Variants in SLIT3 observed in about 807,000 individuals in gnomAD.
The protein encoded by SLIT3 is slit homolog 3 protein.
SLIT3 carries 68 observed loss-of-function variants against 184.0 expected under a neutral mutation model. The ratio of observed to expected loss-of-function variants is 0.37; its 90% confidence interval spans 0.30 to 0.45. The LOEUF is 0.45. Among genes scored for constraint, SLIT3 ranks in the 20% least tolerant of loss-of-function variants. The pLI, the probability that SLIT3 is intolerant of heterozygous loss-of-function variation, is 1.00. For missense variants in SLIT3, 1,707 were observed against 2,026.0 expected, an observed-to-expected ratio of 0.84 and a Z score of 3.02; for synonymous variants, 831 against 828.6, an observed-to-expected ratio of 1.00 and a Z score of -0.05.
At chr5:169,231,212 A>C (rs1003582728) in intron 3 of SLIT3, among the ~76,000 whole-genome samples, 1 of 152,164 alleles carries the variant, frequency 6.6e-6, no homozygotes, top group Non-Finnish European at 1.5e-5. Context: ...TTTTAAAATA[A>C]ATTTTTTGAA....
chr5:169,106,815 G>C (rs1024432635), intron 4 of SLIT3, among the ~76,000 whole-genome samples: 9 of 152,168 alleles, frequency 5.9e-5, no homozygotes, highest in African/African-American at 2.2e-4. Flanking sequence ...TCCTTATGTT[G>C]AACTTCAAAA....
intron 4 of SLIT3, among the ~76,000 whole-genome samples, chr5:169,151,446 A>C (rs1439946850): frequency 6.6e-6 from 1 of 152,190 alleles, no homozygotes; most frequent in Non-Finnish European, 1.5e-5. Context: ...CACTCACTTT[A>C]AAAGCCAGCC....
At chr5:168,909,955 A>G (rs1347525359) in intron 4 of SLIT3, among the ~76,000 whole-genome samples, 1 of 152,192 alleles carries the variant, frequency 6.6e-6, no homozygotes, top group Non-Finnish European at 1.5e-5. Flanking sequence ...TTTTTGCACA[A>G]CCTGCTTTAA....
At chr5:169,025,453 T>C (rs952269178) in intron 4 of SLIT3, among the ~76,000 whole-genome samples, 2 of 152,184 alleles carry the variant, frequency 1.3e-5, no homozygotes, top group Non-Finnish European at 2.9e-5. Flanking sequence ...CAAAACCATT[T>C]TTCCCAGAAC....
chr5:169,098,043 A>G (rs1235988197), intron 4 of SLIT3, among the ~76,000 whole-genome samples: 1 of 152,168 alleles, frequency 6.6e-6, no homozygotes, highest in Non-Finnish European at 1.5e-5. Context: ...CCTGTCAGAA[A>G]GGATGCCCAG....
At chr5:168,841,891 T>G (rs1325527964) in intron 6 of SLIT3, among the ~76,000 whole-genome samples, 6 of 152,218 alleles carry the variant, frequency 3.9e-5, no homozygotes, top group African/African-American at 9.7e-5. Flanking sequence ...ACATTTTGTC[T>G]TCTTAATTTG....
intron 4 of SLIT3, among the ~76,000 whole-genome samples, chr5:168,986,332 C>T (rs776885120): frequency 2.6e-5 from 4 of 152,110 alleles, no homozygotes; most frequent in Admixed American, 6.5e-5. Context: ...AGGAGCCATG[C>T]ACCGCACTTC....
intron 4 of SLIT3, among the ~76,000 whole-genome samples, chr5:169,177,432 G>A (rs1232517453): frequency 6.6e-6 from 1 of 152,150 alleles, no homozygotes; most frequent in East Asian, 1.9e-4. Flanking sequence ...ATGCTGAGCG[G>A]GGAAATCAGC....
At chr5:168,787,997 T>TCACTTAAAC (rs1313386175) in intron 11 of SLIT3, among the ~76,000 whole-genome samples, 1 of 152,112 alleles carries the variant, frequency 6.6e-6, no homozygotes, top group African/African-American at 2.4e-5. Context: ...GAGAGGTGCT[T>TCACTTAAAC]CACTTAAACA....
chr5:169,135,576 T>C (rs1415678034), intron 4 of SLIT3, among the ~76,000 whole-genome samples: 1 of 152,222 alleles, frequency 6.6e-6, no homozygotes, highest in Non-Finnish European at 1.5e-5. Flanking sequence ...CTTTTATCAG[T>C]GGTAGTGAGG....
chr5:169,122,238 A>G (rs1027348626), intron 4 of SLIT3, among the ~76,000 whole-genome samples: 1 of 152,206 alleles, frequency 6.6e-6, no homozygotes, highest in Non-Finnish European at 1.5e-5. Flanking sequence ...ACATACTTAG[A>G]CTATACAAGC....
At chr5:169,020,028 G>T (rs1408087827) in intron 4 of SLIT3, among the ~76,000 whole-genome samples, 2 of 152,164 alleles carry the variant, frequency 1.3e-5, no homozygotes, top group African/African-American at 4.8e-5. Flanking sequence ...GCCTGTTTTT[G>T]TAATAAAGTT....
chr5:169,198,170 C>T (rs559575277), intron 3 of SLIT3, among the ~76,000 whole-genome samples: 1 of 152,222 alleles, frequency 6.6e-6, no homozygotes. Flanking sequence ...GAATAAGATA[C>T]AGCCCCTTCT....
rs57831652 is a variant in SLIT3, at chr5:168,956,666, C to T, written c.414-73330G>A. On this transcript the variant is annotated intron_variant, in intron 4 of 35. Coordinates refer to ENST00000519560, the MANE Select transcript of SLIT3 (RefSeq NM_003062.4). ...AAAATTAGCTGGCCGTGGTGGCGGG[C>T]GCCTGTAGTCCAGCTGCTTGGGAGG... 6.8e-3 allele frequency among the ~76,000 whole-genome samples: 1,035 copies of T among 151,270 alleles called. 10 individuals carry two copies. Among genetic ancestry groups the T allele is most frequent in the African/African-American group, 0.023 (938 of 41,236 alleles).
chr5:169,203,038 G>A (rs1763951491), intron 3 of SLIT3, among the ~76,000 whole-genome samples: 1 of 152,120 alleles, frequency 6.6e-6, no homozygotes, highest in Non-Finnish European at 1.5e-5. Context: ...GGGAGAAGAT[G>A]GACAAGAGTC....
chr5:169,257,128 T>C (rs1765986258), intron 1 of SLIT3, among the ~76,000 whole-genome samples: 1 of 152,170 alleles, frequency 6.6e-6, no homozygotes, highest in East Asian at 1.9e-4. Context: ...TTTCTTTGCA[T>C]GTATGTGCAA....
intron 5 of SLIT3, among the ~76,000 whole-genome samples, chr5:168,881,798 AG>A (rs1448208135): frequency 2.0e-5 from 3 of 152,198 alleles, no homozygotes; most frequent in Non-Finnish European, 4.4e-5. Context: ...TCATTTTCTC[AG>A]GAAGATATAA....
rs180892920 is a variant in SLIT3 at position 168,726,730 on chromosome 5, T to C, written c.2271-2246A>G. On this transcript the variant is annotated intron_variant, in intron 20 of 35. Coordinates refer to ENST00000519560, the MANE Select transcript of SLIT3 (RefSeq NM_003062.4). ...GCTCATGCCTGTAATCCCAATACTT[T>C]GGGAAGCCGAGGCATGTGGATCATT... Among the ~76,000 whole-genome samples, 1,430 of 151,904 alleles carry C rather than the reference T, an allele frequency of 9.4e-3. 28 individuals carry two copies. The highest frequency in any genetic ancestry group is 0.033 in the African/African-American group (1,354 of 41,400).
rs142824233 is a variant in SLIT3, at chr5:169,214,314, G to A, written c.342-20764C>T. The stretch of plus-strand genomic sequence containing the variant: ...TGCTCTAAGGCAGCAGGCAGCAGAA[G>A]TCAGGGCTCAGGAGAAAGCACTGTG... On this transcript the variant is annotated intron_variant, in intron 3 of 35. Transcript: ENST00000519560. Among the ~76,000 whole-genome samples the A allele has an allele frequency of 3.4e-3, 515 of 152,364 alleles. 3 individuals are homozygous for A. Among genetic ancestry groups the A allele is most frequent in the African/African-American group, 0.012 (489 of 41,582 alleles).
Sources: gnomAD v4.1 joint callset for allele counts (sites outside exome capture counted in the v4.1 genomes callset) on GRCh38, gnomAD v4.1.1 for gene constraint, MANE v1.5 for transcripts, NCBI Gene and HGNC (gene_info 2026-07-23, HGNC 2026-07-21) for gene names.